KCNJ5: variants seen among roughly 807,000 people sequenced by gnomAD.
KCNJ5 encodes potassium inwardly rectifying channel subfamily J member 5, also known as G protein-activated inward rectifier potassium channel 4.
A neutral mutation model predicts 20.2 loss-of-function variants in KCNJ5; 12 were observed. That is an observed-to-expected ratio of 0.59 (90% CI 0.38 to 0.96). The LOEUF is 0.96. KCNJ5 is among the 40% of genes least tolerant of loss of function. The probability of loss-of-function intolerance (pLI) is 0.00; values close to 1 mark genes in which losing one functional copy is unlikely to be tolerated. For missense variants in KCNJ5, 449 were observed against 557.6 expected (o/e 0.81, Z 1.96); for synonymous variants, 210 against 213.9 (o/e 0.98, Z 0.16).
chr11:128,915,987 TG>T (rs1565554244), intron 2 of KCNJ5, among the ~76,000 whole-genome samples: 2 of 3,824 alleles, frequency 5.2e-4, no homozygotes, highest in African/African-American at 2.0e-3. Flanking sequence ...GATGGATGAT[TG>T]GATGGATGGA....
rs1944632032 is a variant in KCNJ5, at chr11:128,919,111, A to G, written c.*2380A>G. On this transcript the variant is annotated 3_prime_UTR_variant, in exon 3 of 3. Coordinates refer to ENST00000529694, the MANE Select transcript of KCNJ5 (RefSeq NM_000890.5). ...CATTCCACACCCCCTTGCCAGATCT[A>G]AGCCTGTCTTAGGACCGTCAGTGCC... 1 of 152,372 alleles carries G rather than the reference A, an allele frequency of 6.6e-6. No homozygotes were observed. The highest frequency in any genetic ancestry group is 6.5e-5 in the Admixed American group (1 of 15,290). The allele number at this position is 152,372 out of a possible 1,614,324, so 9.4% of individuals were successfully genotyped here.
chr11:128,912,588 G>A (rs1944521298), intron 2 of KCNJ5, among the ~76,000 whole-genome samples: 1 of 152,172 alleles, frequency 6.6e-6, no homozygotes, highest in Non-Finnish European at 1.5e-5. Flanking sequence ...TCGGCTCACT[G>A]CAACCTCCAC....
intron 2 of KCNJ5, among the ~76,000 whole-genome samples, chr11:128,914,263 A>T (rs757768604): frequency 6.6e-5 from 10 of 152,236 alleles, no homozygotes; most frequent in Non-Finnish European, 1.3e-4. Flanking sequence ...CTCCAAGGCC[A>T]TCCTCACTCC....
rs1210497614 is a variant in KCNJ5 at position 128,911,227 on chromosome 11, C to T, written c.-10-37C>T. ...CATCTTGTGTTCTAGTGAATCAGAA[C>T]AGCCCACTTCACTGATGGTGTCTTT... On this transcript the variant is annotated intron_variant, in intron 1 of 2. Coordinates refer to ENST00000529694, the MANE Select transcript of KCNJ5 (RefSeq NM_000890.5). The surrounding 1 kb of genome is among the most constrained non-coding windows in gnomAD (Gnocchi z 6.3). 1.6e-5 allele frequency: 24 copies of T among 1,534,226 alleles called. No individual in the cohort carries two copies. The highest frequency in any genetic ancestry group is 4.1e-5 in the African/African-American group (3 of 73,282).
rs982779161 is a variant in KCNJ5, at chr11:128,917,208, T to G, written c.*477T>G. 1 of 160,626 alleles carries G rather than the reference T, an allele frequency of 6.2e-6. No individual in the cohort carries two copies. Among genetic ancestry groups the G allele is most frequent in the Non-Finnish European group, 1.4e-5 (1 of 73,354 alleles). 10.0% of individuals were successfully genotyped at this position (160,626 alleles called of 1,614,324 possible). ...CTGGGATGAGCTCACAGAGCCCTCA[T>G]GAGTTAAGATCCATCCATATCACAT... On this transcript the variant is annotated 3_prime_UTR_variant, in exon 3 of 3. Transcript: ENST00000529694.
At chr11:128,897,877 G>T (rs749145717) in intron 1 of KCNJ5, among the ~76,000 whole-genome samples, 4 of 152,156 alleles carry the variant, frequency 2.6e-5, no homozygotes, top group Non-Finnish European at 4.4e-5. Context: ...ATGTGCAATT[G>T]CTCCGGCACC....
Position 128,906,736 on chromosome 11 carries a change from G to A in KCNJ5, c.-10-4528G>A, listed in dbSNP as rs553502320. Among the ~76,000 whole-genome samples the A allele has an allele frequency of 4.6e-5, 7 of 152,242 alleles. No homozygotes were observed. The East Asian group carries it at 7.7e-4, about 17-fold the overall frequency. On this transcript the variant is annotated intron_variant, in intron 1 of 2. Transcript: ENST00000529694. The stretch of plus-strand genomic sequence containing the variant: ...TCTAATAATTTGAATCTCTTACTTC[G>A]GGAAAAGCCCAATCCCTTCAAAGGG...
At chr11:128,898,974 C>T (rs1944221079) in intron 1 of KCNJ5, among the ~76,000 whole-genome samples, 1 of 152,268 alleles carries the variant, frequency 6.6e-6, no homozygotes, top group Non-Finnish European at 1.5e-5. Context: ...GCCGCCGTGC[C>T]TGGCCTTTCC....
intron 1 of KCNJ5, chr11:128,900,310 T>C (rs1397926082): frequency 1.3e-5 from 2 of 152,234 alleles, no homozygotes; most frequent in Non-Finnish European, 1.5e-5. Context: ...ATTTAATCCT[T>C]CTCTCTCTGC....
chr11:128,894,551 CT>C (rs1459688189), intron 1 of KCNJ5, among the ~76,000 whole-genome samples: 1 of 152,136 alleles, frequency 6.6e-6, no homozygotes, highest in Non-Finnish European at 1.5e-5. Flanking sequence ...AGGAATCTTT[CT>C]GTGTTTTGTT....
At chr11:128,892,587 C>A (rs1179601093) in intron 1 of KCNJ5, among the ~76,000 whole-genome samples, 2 of 152,314 alleles carry the variant, frequency 1.3e-5, no homozygotes, top group East Asian at 3.9e-4. Context: ...CTGTTTCAAT[C>A]CTTTTAATAA....
intron 1 of KCNJ5, chr11:128,904,740 G>A: frequency 1.8e-6 from 1 of 565,162 alleles, no homozygotes; most frequent in Non-Finnish European, 3.1e-6. Context: ...CCCAGTGGGT[G>A]TTGAGTGGGG....
Position 128,912,126 on chromosome 11 carries a change from C to G in KCNJ5, c.853C>G (p.Pro285Ala). 6.2e-7 allele frequency: 1 copy of G among 1,612,972 alleles called. No individual in the cohort carries two copies. The highest frequency in any genetic ancestry group is 8.5e-7 in the Non-Finnish European group (1 of 1,179,964). ...IISHEINQKS[P>A]FWEMSQAQLH... ...CTCCCATGAGATCAACCAGAAGAGCCCTTTCTGGGAGATGTCTCAGGCTCA... is the reference window on the plus strand; with the variant it reads ...CTCCCATGAGATCAACCAGAAGAGCGCTTTCTGGGAGATGTCTCAGGCTCA... The change falls in exon 2 of 3, where the codon CCT (proline) becomes GCT (alanine). Residue 285 changes from proline to alanine, a missense_variant. Around this residue, in one of 5 missense-constraint regions of KCNJ5, gnomAD observed 145 missense variants for 166.2 expected, o/e 0.87. Transcript: ENST00000529694.
intron 1 of KCNJ5, chr11:128,909,881 G>A (rs145308359): frequency 4.2e-4 from 64 of 152,354 alleles, no homozygotes; most frequent in African/African-American, 1.2e-3. Context: ...TTTCTGAAGG[G>A]AGCAGGTCAT....
At chr11:128,907,377 C>G (rs888017668) in intron 1 of KCNJ5, among the ~76,000 whole-genome samples, 3 of 152,174 alleles carry the variant, frequency 2.0e-5, no homozygotes, top group Admixed American at 2.0e-4. Context: ...GCCATGACAC[C>G]AAGTTTTCCT....
intron 1 of KCNJ5, chr11:128,899,625 C>T (rs1407445612): frequency 1.3e-5 from 2 of 152,180 alleles, no homozygotes; most frequent in Admixed American, 1.3e-4. Flanking sequence ...AATACATACA[C>T]TGTGGGGTTA....
At position 128,916,837 on chromosome 11, in the gene KCNJ5, T is replaced by C. The variant is rs1306935296; in HGVS notation, c.*106T>C. On this transcript the variant is annotated 3_prime_UTR_variant, in exon 3 of 3. Transcript: ENST00000529694. The stretch of plus-strand genomic sequence containing the variant: ...ATAGTTGAGTGTGCTGTTTGGGGGC[T>C]CAGGAGCCATCAAGGCTGTGGGGAG... The C allele has an allele frequency of 2.3e-6, 2 of 863,090 alleles. No homozygotes were observed. Among genetic ancestry groups the C allele is most frequent in the Non-Finnish European group, 3.6e-6 (2 of 561,484 alleles). The allele number at this position is 863,090 out of a possible 1,614,324, so 53.5% of individuals were successfully genotyped here.
chr11:128,903,603 C>G, intron 1 of KCNJ5: 1 of 1,391,360 alleles, frequency 7.2e-7, no homozygotes, highest in Non-Finnish European at 1.0e-6. Context: ...GGGCCGTTGT[C>G]CAAGCAGACC....
At position 128,921,019 on chromosome 11, in the gene KCNJ5, G is replaced by A. The variant is rs889709034; in HGVS notation, c.*4288G>A. The A allele has an allele frequency of 2.0e-5, 3 of 152,226 alleles. No homozygotes were observed. Among genetic ancestry groups the A allele is most frequent in the Admixed American group, 6.5e-5 (1 of 15,288 alleles). 9.4% of individuals were successfully genotyped at this position (152,226 alleles called of 1,614,324 possible). On this transcript the variant is annotated 3_prime_UTR_variant, in exon 3 of 3. Transcript: ENST00000529694. ...CGGGGAGAAGCCACTTACTCGGCTC[G>A]CCTTGGTTTTTGCTAACAACGTCTC...
Sources: allele counts gnomAD v4.1 joint callset (sites outside exome capture counted in the v4.1 genomes callset), GRCh38; gene constraint gnomAD v4.1.1; regional missense constraint gnomAD v4.1.1; non-coding constraint Gnocchi (gnomAD v3.1); transcripts MANE v1.5; gene names NCBI Gene and HGNC (gene_info 2026-07-23, HGNC 2026-07-21).